EPHB1: variants seen among roughly 807,000 people sequenced by gnomAD.
The protein encoded by EPHB1 is EPH receptor B1, also known as ephrin type-B receptor 1.
A neutral mutation model predicts 94.4 loss-of-function variants in EPHB1; 30 were observed. That is an observed-to-expected ratio of 0.32 (90% CI 0.24 to 0.43). The LOEUF (loss-of-function observed/expected upper bound fraction) is 0.43, where lower values mean the gene tolerates loss of function less well. Ranked by LOEUF, EPHB1 falls within the 20% of genes least tolerant of loss-of-function variation. The probability of loss-of-function intolerance (pLI) is 1.00; values close to 1 mark genes in which losing one functional copy is unlikely to be tolerated. For synonymous variants in EPHB1, 522 were observed against 489.1 expected, an observed-to-expected ratio of 1.07 and a Z score of -0.89; for missense variants, 1,055 against 1,308.3, an observed-to-expected ratio of 0.81 and a Z score of 2.99.
intron 3 of EPHB1, among the ~76,000 whole-genome samples, chr3:134,960,996 T>A (rs1386613384): frequency 1.3e-5 from 2 of 152,180 alleles, no homozygotes; most frequent in Non-Finnish European, 1.5e-5. Flanking sequence ...CCCACTCTGA[T>A]CATTTCTTTG....
At chr3:134,979,828 T>A (rs1185514681) in intron 3 of EPHB1, among the ~76,000 whole-genome samples, 1 of 152,182 alleles carries the variant, frequency 6.6e-6, no homozygotes, top group Admixed American at 6.5e-5. Flanking sequence ...ACAAGAGTGC[T>A]TGAATGACCA....
intron 3 of EPHB1, among the ~76,000 whole-genome samples, chr3:134,952,353 T>C (rs1933066802): frequency 1.4e-5 from 2 of 144,946 alleles, no homozygotes; most frequent in Non-Finnish European, 3.0e-5. Flanking sequence ...CTCTCTCTCT[T>C]CTCTCTCTCT....
rs761709703 is a variant in EPHB1, at chr3:135,166,026, C to A, written c.1644C>A (p.Ala548=). The change falls in exon 8 of 16, where the codon GCC becomes GCA. Residue 548 remains alanine, a synonymous_variant. Transcript: ENST00000398015. ...CCCTGATTGCTGGCTCGGCAGCGGC[C>A]GGGGTCGTGTTCGTTGTGTCCTTGG... is the stretch of plus-strand genomic sequence containing the variant. ...QLPLIAGSAA[A]GVVFVVSLVA... is the part of the protein sequence containing the mutation. 2 of 1,613,950 alleles carry A rather than the reference C, an allele frequency of 1.2e-6. No homozygotes were observed. The highest frequency in any genetic ancestry group is 8.5e-7 in the Non-Finnish European group (1 of 1,179,884).
intron 1 of EPHB1, among the ~76,000 whole-genome samples, chr3:134,862,981 G>A (rs1269438321): frequency 1.3e-5 from 2 of 152,212 alleles, no homozygotes; most frequent in African/African-American, 4.8e-5. Context: ...AAACCACTCT[G>A]TGTGTGTGGC....
chr3:134,834,712 G>A (rs562782562), intron 1 of EPHB1, among the ~76,000 whole-genome samples: 1 of 152,160 alleles, frequency 6.6e-6, no homozygotes, highest in African/African-American at 2.4e-5. Context: ...GGACATCCAG[G>A]TGAAGGTCTC....
intron 11 of EPHB1, among the ~76,000 whole-genome samples, chr3:135,200,668 T>C (rs1942728011): frequency 6.6e-6 from 1 of 152,054 alleles, no homozygotes; most frequent in Non-Finnish European, 1.5e-5. Context: ...TCCAAGAGTA[T>C]AAAATCAAGC....
At chr3:135,219,426 C>T (rs1197463092) in intron 12 of EPHB1, among the ~76,000 whole-genome samples, 1 of 151,746 alleles carries the variant, frequency 6.6e-6, no homozygotes, top group African/African-American at 2.4e-5. Context: ...GACAAAGACA[C>T]ACAAGGAGAA....
rs1576414344 is a variant in EPHB1, at chr3:135,132,725, G to T, written c.973G>T (p.Gly325Cys). 5.0e-6 allele frequency: 8 copies of T among 1,590,048 alleles called. No homozygotes were observed. The highest frequency in any genetic ancestry group is 6.9e-6 in the Non-Finnish European group (8 of 1,163,770). ...PEVACTSVPS[G>C]PRNVISIVNE... is the part of the protein sequence containing the mutation. ...TTGTCTCCCTGCAGGCGTCCCATCA[G>T]GTCCCCGCAATGTTATCTCCATCGT... Residue 325 changes from glycine to cysteine, a missense_variant, in exon 5 of 16, where the codon GGT (glycine) becomes TGT (cysteine). Coordinates refer to ENST00000398015, the MANE Select transcript of EPHB1 (RefSeq NM_004441.5).
Position 135,132,829 on chromosome 3 carries a change from C to G in EPHB1, c.1077C>G (p.Ile359Met), listed in dbSNP as rs1940466745. The G allele has an allele frequency of 1.2e-6, 2 of 1,613,932 alleles. No homozygotes were observed. Among genetic ancestry groups the G allele is most frequent in the Admixed American group, 1.7e-5 (1 of 60,014 alleles). ...GGGATGATGTGACCTACAACATCAT[C>G]TGCAAAAAGTGCCGGGCAGACCGCC... ...GGRDDVTYNI[I>M]CKKCRADRRS... Residue 359 changes from isoleucine to methionine, a missense_variant, in exon 5 of 16, where the codon ATC (isoleucine) becomes ATG (methionine). Physicochemically the swap from Ile to Met is conservative, Grantham distance 10. Transcript: ENST00000398015.
At chr3:135,061,174 G>T (rs1937490519) in intron 3 of EPHB1, among the ~76,000 whole-genome samples, 1 of 152,114 alleles carries the variant, frequency 6.6e-6, no homozygotes, top group African/African-American at 2.4e-5. Flanking sequence ...GTGGTGTTTG[G>T]TTACATGAGA....
At chr3:135,138,334 T>C (rs1173196191) in intron 5 of EPHB1, among the ~76,000 whole-genome samples, 1 of 152,246 alleles carries the variant, frequency 6.6e-6, no homozygotes, top group Non-Finnish European at 1.5e-5. Context: ...TCAGATACAC[T>C]AATTTTCTTA....
At chr3:135,006,984 TG>T (rs1229786718) in intron 3 of EPHB1, among the ~76,000 whole-genome samples, 1 of 152,240 alleles carries the variant, frequency 6.6e-6, no homozygotes, top group African/African-American at 2.4e-5. Flanking sequence ...TTATGCTATG[TG>T]AATGGAGGTG....
chr3:134,934,205 C>T (rs2038957263), intron 2 of EPHB1, among the ~76,000 whole-genome samples: 1 of 152,230 alleles, frequency 6.6e-6, no homozygotes, highest in African/African-American at 2.4e-5. Flanking sequence ...ATTAATGTCA[C>T]TTCTATGAAG....
chr3:135,153,855 T>C (rs1025506154), intron 5 of EPHB1, among the ~76,000 whole-genome samples: 1 of 152,198 alleles, frequency 6.6e-6, no homozygotes, highest in Non-Finnish European at 1.5e-5. Context: ...CTTTGATTCC[T>C]CCAACTGTCT....
intron 2 of EPHB1, among the ~76,000 whole-genome samples, chr3:134,926,964 A>G (rs897317530): frequency 2.6e-5 from 4 of 152,220 alleles, no homozygotes; most frequent in African/African-American, 7.2e-5. Flanking sequence ...GGAGGTGGAG[A>G]TGATGTTCAT....
At chr3:135,033,318 T>A (rs1270534794) in intron 3 of EPHB1, among the ~76,000 whole-genome samples, 1 of 152,140 alleles carries the variant, frequency 6.6e-6, no homozygotes, top group Non-Finnish European at 1.5e-5. Flanking sequence ...GCATGCACCT[T>A]GTGTGGAAGG....
chr3:135,209,733 T>G (rs950837024), intron 12 of EPHB1, among the ~76,000 whole-genome samples: 12 of 152,182 alleles, frequency 7.9e-5, no homozygotes, highest in Non-Finnish European at 1.5e-4. Context: ...CAGGCATTCA[T>G]TGTAGTATTC....
chr3:135,046,314 G>C (rs547042867), intron 3 of EPHB1, among the ~76,000 whole-genome samples: 2 of 152,108 alleles, frequency 1.3e-5, no homozygotes, highest in African/African-American at 4.8e-5. Flanking sequence ...TGTCATTGTC[G>C]CATGTGAGCT....
chr3:134,905,579 A>G (rs1036540960), intron 1 of EPHB1, among the ~76,000 whole-genome samples: 1 of 152,236 alleles, frequency 6.6e-6, no homozygotes, highest in African/African-American at 2.4e-5. Context: ...TGGAAGCCTA[A>G]GGAAAAGAGG....
Sources: gnomAD v4.1 joint callset for allele counts (sites outside exome capture counted in the v4.1 genomes callset) on GRCh38, gnomAD v4.1.1 for gene constraint, MANE v1.5 for transcripts, NCBI Gene and HGNC (gene_info 2026-07-23, HGNC 2026-07-21) for gene names.